Variants in WNT3A observed in about 807,000 individuals in gnomAD.
The protein encoded by WNT3A is Wnt family member 3A.
Under a neutral mutation model 37.0 loss-of-function variants are expected in WNT3A, and 17 were observed. The ratio of observed to expected loss-of-function variants is 0.46; its 90% CI spans 0.31 to 0.69. WNT3A has a LOEUF of 0.69. WNT3A is among the 30% of genes least tolerant of loss of function. The pLI, the probability that WNT3A is intolerant of heterozygous loss-of-function variation, is 0.05. For missense variants in WNT3A, 411 were observed against 510.2 expected, an observed-to-expected ratio of 0.81 and a Z score of 1.87; for synonymous variants, 187 against 211.0, an observed-to-expected ratio of 0.89 and a Z score of 0.99.
Position 228,008,968 on chromosome 1 carries a change from G to T in WNT3A, c.71+1769G>T, listed in dbSNP as rs2030289434. On this transcript the variant is annotated intron_variant, in intron 1 of 3. Transcript: ENST00000284523. The surrounding 1 kb of genome is among the most constrained non-coding windows in gnomAD (Gnocchi z 4.9). Reference sequence around the variant, plus strand: ...GGACAGTCAGGCATTCTGCAGGGGAGCCAGGAGGAGCAGAGAAGTGAAGTC... The same window carrying T: ...GGACAGTCAGGCATTCTGCAGGGGATCCAGGAGGAGCAGAGAAGTGAAGTC... Among the ~76,000 whole-genome samples the T allele has an allele frequency of 6.6e-6, 1 of 152,148 alleles. No homozygotes were observed. Among genetic ancestry groups the T allele is most frequent in the Non-Finnish European group, 1.5e-5 (1 of 68,030 alleles).
rs193195556 is a variant in WNT3A at position 228,042,225 on chromosome 1, C to A, written c.314-8431C>A. Among the ~76,000 whole-genome samples the A allele has an allele frequency of 6.6e-6, 1 of 152,288 alleles. No homozygotes were observed. Among genetic ancestry groups the A allele is most frequent in the East Asian group, 1.9e-4 (1 of 5,194 alleles). On this transcript the variant is annotated intron_variant, in intron 2 of 3. Coordinates refer to ENST00000284523, the MANE Select transcript of WNT3A (RefSeq NM_033131.4). The surrounding 1 kb of genome is among the most constrained non-coding windows in gnomAD (Gnocchi z 5.2). ...ATCTCTTGACCTCGTCATCTGCCCA[C>A]CTCAGCCTCCCAAAGTGCTGGGATT...
intron 2 of WNT3A, among the ~76,000 whole-genome samples, chr1:228,036,200 T>C (rs1026950534): frequency 6.6e-6 from 1 of 152,204 alleles, no homozygotes; most frequent in Non-Finnish European, 1.5e-5. Context: ...CCTGCCAAGA[T>C]GGCCTTGTTG....
At chr1:228,020,493 A>G (rs2030672754) in intron 1 of WNT3A, among the ~76,000 whole-genome samples, 1 of 152,198 alleles carries the variant, frequency 6.6e-6, no homozygotes, top group Non-Finnish European at 1.5e-5. Context: ...GGCAGTGCAG[A>G]CCATACCCCA....
At chr1:228,022,981 A>G in intron 2 of WNT3A, 73 bp downstream of exon 2, 3 of 1,539,368 alleles carry the variant, frequency 1.9e-6, no homozygotes, top group South Asian at 1.2e-5. Flanking sequence ...GCTGCCTGAC[A>G]TTCTCATCTG....
intron 1 of WNT3A, among the ~76,000 whole-genome samples, chr1:228,009,115 C>T (rs547501409): frequency 8.1e-4 from 124 of 152,192 alleles, no homozygotes; most frequent in African/African-American, 1.7e-3. Context: ...CTCCCCCATC[C>T]CCACCACCAC....
chr1:228,053,313 C>T (rs1233690535), intron 3 of WNT3A, among the ~76,000 whole-genome samples: 1 of 152,200 alleles, frequency 6.6e-6, no homozygotes, highest in African/African-American at 2.4e-5. Flanking sequence ...TGGCTTGCTA[C>T]CTCACACCAT....
At chr1:228,013,584 G>A (rs1010287225) in intron 1 of WNT3A, among the ~76,000 whole-genome samples, 1 of 152,204 alleles carries the variant, frequency 6.6e-6, no homozygotes, top group African/African-American at 2.4e-5. Context: ...GCAGGGCTGG[G>A]CAGCCTGGAC....
chr1:228,024,925 C>T (rs1055641172), intron 2 of WNT3A, among the ~76,000 whole-genome samples: 3 of 152,026 alleles, frequency 2.0e-5, no homozygotes, highest in African/African-American at 7.3e-5. Flanking sequence ...GTCTTGGCAC[C>T]CTTGTTGAAA....
intron 3 of WNT3A, among the ~76,000 whole-genome samples, chr1:228,055,196 ATATATATATATATATATATATATAC>A: frequency 1.4e-5 from 1 of 71,656 alleles, no homozygotes; most frequent in East Asian, 5.3e-4. Context: ...ATATATATAT[ATATATATATATATATATATATATAC>A]ACACACACAA....
At chr1:228,021,031 A>G (rs929848812) in intron 1 of WNT3A, among the ~76,000 whole-genome samples, 1 of 152,192 alleles carries the variant, frequency 6.6e-6, no homozygotes, top group African/African-American at 2.4e-5. Context: ...ATTTCTTTAA[A>G]TTGAGGTGTA....
At position 228,007,982 on chromosome 1, in the gene WNT3A, C is replaced by A. The variant is rs1375499244; in HGVS notation, c.71+783C>A. Reference sequence around the variant, plus strand: ...GCGCGTTCCGTGAGACCCTCCCCAGCCTGGCGATGGAAGTGCAGATAAACC... The same window carrying A: ...GCGCGTTCCGTGAGACCCTCCCCAGACTGGCGATGGAAGTGCAGATAAACC... On this transcript the variant is annotated intron_variant, in intron 1 of 3. Transcript: ENST00000284523. This position sits in a 1 kb window ranked among gnomAD's most constrained non-coding sequence, Gnocchi z 6.0. 1.3e-5 allele frequency among the ~76,000 whole-genome samples: 2 copies of A among 152,188 alleles called. No individual in the cohort carries two copies. The highest frequency in any genetic ancestry group is 4.8e-5 in the African/African-American group (2 of 41,446).
intron 2 of WNT3A, among the ~76,000 whole-genome samples, chr1:228,028,516 G>GTTTTGCCAT (rs2030910499): frequency 6.6e-6 from 1 of 151,924 alleles, no homozygotes; most frequent in Non-Finnish European, 1.5e-5. Context: ...TAGAGACGGA[G>GTTTTGCCAT]TTTTGCCATT....
At chr1:228,045,359 T>C (rs1323578983) in intron 2 of WNT3A, among the ~76,000 whole-genome samples, 6 of 152,042 alleles carry the variant, frequency 3.9e-5, no homozygotes, top group Admixed American at 3.9e-4. Flanking sequence ...CCCAGGCCAT[T>C]TGGGAGTGAG....
intron 2 of WNT3A, among the ~76,000 whole-genome samples, chr1:228,046,277 CATGT>C (rs2031403276): frequency 6.6e-6 from 1 of 151,260 alleles, no homozygotes; most frequent in Non-Finnish European, 1.5e-5. Flanking sequence ...TGTGTGCATG[CATGT>C]GTTTGCATGT....
rs150517928 is a variant in WNT3A at position 228,055,865 on chromosome 1, G to C, written c.580-3121G>C. 6.0e-3 allele frequency among the ~76,000 whole-genome samples: 908 copies of C among 152,318 alleles called. 11 individuals are homozygous for C. Among genetic ancestry groups the C allele is most frequent in the African/African-American group, 0.021 (878 of 41,550 alleles). On this transcript the variant is annotated intron_variant, in intron 3 of 3. Coordinates refer to ENST00000284523, the MANE Select transcript of WNT3A (RefSeq NM_033131.4). Reference sequence around the variant, plus strand: ...CTCCTTTCCCTGTTGCTGAAGCCTGGAGGTTTGTTTTCTGCAAAGCACAGG... The same window carrying C: ...CTCCTTTCCCTGTTGCTGAAGCCTGCAGGTTTGTTTTCTGCAAAGCACAGG...
intron 1 of WNT3A, among the ~76,000 whole-genome samples, chr1:228,015,851 A>G (rs187960375): frequency 6.6e-6 from 1 of 152,234 alleles, no homozygotes; most frequent in East Asian, 1.9e-4. Context: ...AGAATTCATC[A>G]GAAGCCCCAG....
chr1:228,050,670 G>T lies in WNT3A; in HGVS notation c.328G>T (p.Ala110Ser). The change falls in exon 3 of 4, where the codon GCC becomes TCC. Residue 110 changes from alanine to serine, a missense_variant. Ala to Ser is a moderately conservative substitution (Grantham distance 99). Transcript: ENST00000284523. The surrounding 1 kb of genome is among the most constrained non-coding windows in gnomAD (Gnocchi z 5.0). Reference protein sequence around the residue: ...PVLDKATRESAFVHAIASAGV... With the variant: ...PVLDKATRESSFVHAIASAGV... ...TCTCTCTACAGCTACCAGGGAGTCG[G>T]CCTTTGTCCACGCCATTGCCTCAGC... 1.2e-6 allele frequency: 2 copies of T among 1,604,772 alleles called. No individual in the cohort carries two copies. The highest frequency in any genetic ancestry group is 1.7e-6 in the Non-Finnish European group (2 of 1,173,762).
intron 2 of WNT3A, among the ~76,000 whole-genome samples, chr1:228,048,208 A>G (rs760337836): frequency 2.0e-4 from 30 of 152,182 alleles, no homozygotes; most frequent in Non-Finnish European, 4.0e-4. Flanking sequence ...CTATCCCCAT[A>G]GAGAGGGCCC....
At chr1:228,053,540 C>T (rs534076660) in intron 3 of WNT3A, among the ~76,000 whole-genome samples, 1 of 152,086 alleles carries the variant, frequency 6.6e-6, no homozygotes, top group South Asian at 2.1e-4. Context: ...AAAAGGCAAC[C>T]CATAGAGGAC....
Sources: allele counts gnomAD v4.1 joint callset (sites outside exome capture counted in the v4.1 genomes callset), GRCh38; gene constraint gnomAD v4.1.1; non-coding constraint Gnocchi (gnomAD v3.1); transcripts MANE v1.5; gene names NCBI Gene and HGNC (gene_info 2026-07-23, HGNC 2026-07-21).